PDCL2: variants seen among roughly 807,000 people sequenced by gnomAD.
PDCL2 encodes phosducin-like protein 2.
A neutral mutation model predicts 30.3 loss-of-function variants in PDCL2; 23 were observed. That is an observed-to-expected ratio of 0.76 (90% CI 0.55 to 1.08). The LOEUF (loss-of-function observed/expected upper bound fraction) is 1.08. PDCL2 is among the 50% of genes least tolerant of loss of function. The probability of loss-of-function intolerance (pLI) is 0.00; values close to 1 mark genes in which losing one functional copy is unlikely to be tolerated. For missense variants in PDCL2, 243 were observed against 282.3 expected, an observed-to-expected ratio of 0.86 and a Z score of 1.00; for synonymous variants, 68 against 86.2, an observed-to-expected ratio of 0.79 and a Z score of 1.17.
At chr4:55,566,972 A>G (rs1732285251) in intron 4 of PDCL2, among the ~76,000 whole-genome samples, 2 of 152,196 alleles carry the variant, frequency 1.3e-5, no homozygotes, top group Non-Finnish European at 2.9e-5. Flanking sequence ...AGATAATTTT[A>G]CTTAGAAGCC....
intron 1 of PDCL2, among the ~76,000 whole-genome samples, chr4:55,584,087 C>T (rs1732795307): frequency 6.6e-6 from 1 of 152,076 alleles, no homozygotes; most frequent in Admixed American, 6.6e-5. Context: ...CTTTCATCAA[C>T]GTTTTATCAT....
rs149201041 is a variant in PDCL2, at chr4:55,577,586, A to T, written c.218+3235T>A. On this transcript the variant is annotated intron_variant, in intron 3 of 5. Coordinates refer to ENST00000295645, the MANE Select transcript of PDCL2 (RefSeq NM_152401.3). ...CAAGGATCATCTCATAAGCATACCA[A>T]AGGTACTTTTATCACCTAGCAAATT... is the stretch of plus-strand genomic sequence containing the variant. 6.6e-3 allele frequency among the ~76,000 whole-genome samples: 999 copies of T among 152,272 alleles called. 17 individuals carry two copies. Among genetic ancestry groups the T allele is most frequent in the African/African-American group, 0.022 (929 of 41,548 alleles).
At chr4:55,572,897 C>T (rs577852898) in intron 3 of PDCL2, among the ~76,000 whole-genome samples, 24 of 152,146 alleles carry the variant, frequency 1.6e-4, no homozygotes, top group African/African-American at 5.5e-4. Context: ...GTAGCTGGGA[C>T]TACAGGCGCC....
chr4:55,586,256 T>C (rs1732863387), intron 1 of PDCL2, among the ~76,000 whole-genome samples: 1 of 152,238 alleles, frequency 6.6e-6, no homozygotes, highest in Non-Finnish European at 1.5e-5. Context: ...TTCCACATGT[T>C]TGTTAATTTT....
chr4:55,556,589 C>T lies in PDCL2; in HGVS notation c.694G>A (p.Asp232Asn), dbSNP rs756102177. The T allele has an allele frequency of 6.4e-7, 1 of 1,570,342 alleles. No individual in the cohort carries two copies. The highest frequency in any genetic ancestry group is 1.8e-4 in the Middle Eastern group (1 of 5,608). Residue 232 changes from aspartate (D) to asparagine (N), a missense_variant, in exon 6 of 6, where the codon GAT becomes AAT. Physicochemically the swap from Asp to Asn is conservative, Grantham distance 23 (BLOSUM62 1). Transcript: ENST00000295645. The part of the protein sequence containing the change: ...IRNTSIHDDS[D>N]SSNSDNDTK ...GTATCATTATCACTGTTGGAGCTATCACTGTCATCATGAATAGAAGTGTTT... is the reference window on the plus strand; with the variant it reads ...GTATCATTATCACTGTTGGAGCTATTACTGTCATCATGAATAGAAGTGTTT...
chr4:55,561,801 C>T (rs1468898800), intron 5 of PDCL2, among the ~76,000 whole-genome samples: 2 of 152,054 alleles, frequency 1.3e-5, no homozygotes, highest in Admixed American at 6.5e-5. Flanking sequence ...ATGGTCCATG[C>T]ACCTTTTAGG....
intron 1 of PDCL2, among the ~76,000 whole-genome samples, chr4:55,591,004 A>C (rs999249785): frequency 6.6e-6 from 1 of 152,186 alleles, no homozygotes; most frequent in Non-Finnish European, 1.5e-5. Flanking sequence ...TGTTGCCTTC[A>C]CTGTCAATTA....
chr4:55,556,547 A>C lies in PDCL2; in HGVS notation c.*10T>G, dbSNP rs1352667687. 2.0e-6 allele frequency: 3 copies of C among 1,516,242 alleles called. No homozygotes were observed. In the Admixed American group the frequency reaches 6.3e-5, roughly 32 times the overall value. The allele number at this position is 1,516,242 out of a possible 1,614,324, so 93.9% of individuals were successfully genotyped here. A position where few individuals can be genotyped will look rare whatever the true frequency, so the allele number is the denominator to read the frequency against. On this transcript the variant is annotated 3_prime_UTR_variant, in exon 6 of 6. Coordinates refer to ENST00000295645, the MANE Select transcript of PDCL2 (RefSeq NM_152401.3). ...ACATATACTAAAAGCTATTTATTGA[A>C]TATTTCTCTCTATTTGGTATCATTA...
chr4:55,563,063 T>G (rs545925959), intron 4 of PDCL2, among the ~76,000 whole-genome samples: 3 of 152,312 alleles, frequency 2.0e-5, no homozygotes, highest in Non-Finnish European at 4.4e-5. Context: ...CCAACAAACT[T>G]CTTCCAGTCT....
intron 4 of PDCL2, among the ~76,000 whole-genome samples, chr4:55,566,224 C>T (rs11723580): frequency 0.034 from 5,147 of 151,656 alleles, 104 homozygotes; most frequent in Non-Finnish European, 0.054. Context: ...TCAGGTGATC[C>T]GCCCGCCTCG....
chr4:55,566,429 C>CTT (rs59299412), intron 4 of PDCL2, among the ~76,000 whole-genome samples: 28,279 of 126,842 alleles, frequency 0.22, 4,218 homozygotes, highest in East Asian at 0.55. Context: ...TCCTTTTTCT[C>CTT]TTTTTTTTTT....
At chr4:55,571,602 A>G (rs143369882) in intron 3 of PDCL2, among the ~76,000 whole-genome samples, 638 of 30,382 alleles carry the variant, frequency 0.021, 17 homozygotes, top group Middle Eastern at 0.065. Context: ...CAGGAGAATC[A>G]CTTGAACCCG....
chr4:55,578,604 T>C (rs1732630355), intron 3 of PDCL2, among the ~76,000 whole-genome samples: 1 of 151,922 alleles, frequency 6.6e-6, no homozygotes, highest in African/African-American at 2.4e-5. Context: ...TTTTTTTTAA[T>C]GAGTTCTTCA....
chr4:55,561,091 T>C (rs1338553275), intron 5 of PDCL2, among the ~76,000 whole-genome samples: 1 of 152,198 alleles, frequency 6.6e-6, no homozygotes, highest in Admixed American at 6.5e-5. Context: ...TGTACTCTTA[T>C]GTTGTTAATT....
intron 1 of PDCL2, among the ~76,000 whole-genome samples, chr4:55,585,294 G>A (rs549552807): frequency 7.4e-4 from 112 of 152,250 alleles, no homozygotes; most frequent in African/African-American, 2.2e-3. Flanking sequence ...TTAGCAGGCC[G>A]AGGTGGGTAG....
At chr4:55,587,401 T>C (rs1461913306) in intron 1 of PDCL2, among the ~76,000 whole-genome samples, 1 of 152,056 alleles carries the variant, frequency 6.6e-6, no homozygotes, top group Non-Finnish European at 1.5e-5. Flanking sequence ...ACTCAAACTA[T>C]AGCAAAATCT....
At chr4:55,587,505 T>C (rs1002530303) in intron 1 of PDCL2, among the ~76,000 whole-genome samples, 2 of 152,048 alleles carry the variant, frequency 1.3e-5, no homozygotes, top group Admixed American at 6.6e-5. Flanking sequence ...ATCAAATATA[T>C]GATCAGCCAA....
intron 3 of PDCL2, among the ~76,000 whole-genome samples, chr4:55,570,944 TAG>T (rs1396325640): frequency 6.6e-6 from 1 of 152,246 alleles, no homozygotes; most frequent in East Asian, 1.9e-4. Flanking sequence ...GCTGATTCTG[TAG>T]AGTCTGCCCC....
intron 1 of PDCL2, 41 bp from the exon 2 acceptor site, chr4:55,582,278 C>T (rs1327607242): frequency 6.5e-7 from 1 of 1,542,626 alleles, no homozygotes; most frequent in Non-Finnish European, 8.7e-7. Context: ...CATGGTTGTA[C>T]ACTTTAATAT....
Sources: gnomAD v4.1 joint callset for allele counts (sites outside exome capture counted in the v4.1 genomes callset) on GRCh38, gnomAD v4.1.1 for gene constraint, MANE v1.5 for transcripts, NCBI Gene and HGNC (gene_info 2026-07-23, HGNC 2026-07-21) for gene names.